TLK2: variants seen among roughly 807,000 people sequenced by gnomAD.
TLK2 encodes serine/threonine-protein kinase tousled-like 2.
In TLK2, 6 loss-of-function variants were observed where a neutral mutation model predicts 117.3. That is an observed-to-expected ratio of 0.05 (90% confidence interval 0.03 to 0.10). The LOEUF is 0.10. Ranked by LOEUF, TLK2 falls within the 10% of genes least tolerant of loss-of-function variation. The probability of loss-of-function intolerance (pLI) is 1.00; values close to 1 mark genes in which losing one functional copy is unlikely to be tolerated. For synonymous variants in TLK2, 257 were observed against 316.7 expected (o/e 0.81, Z 2.00); for missense variants, 299 against 901.2 (o/e 0.33, Z 8.56).
In TLK2 at chr17:62,532,367, C is replaced by T. The variant is rs1361412168; in HGVS notation, c.364-3803C>T. 2.0e-5 allele frequency among the ~76,000 whole-genome samples: 3 copies of T among 152,156 alleles called. No individual in the cohort carries two copies. The East Asian group carries it at 5.8e-4, about 29-fold the overall frequency. On this transcript the variant is annotated intron_variant, in intron 6 of 21. Transcript: ENST00000346027. ...GGCAGAAGGTTTAATTTTACTGTTG[C>T]AGCTCGTTCTCCCATGCAGTGAGAA...
chr17:62,520,695 AATC>A (rs1175041764), intron 2 of TLK2, 75 bp from the exon 3 acceptor site: 3 of 1,360,144 alleles, frequency 2.2e-6, no homozygotes, highest in East Asian at 2.7e-5. Context: ...AAAAAAAAAA[AATC>A]ATCAGGCTTC....
chr17:62,482,980 T>C (rs2071869144), intron 2 of TLK2, among the ~76,000 whole-genome samples: 1 of 152,224 alleles, frequency 6.6e-6, no homozygotes. Context: ...AGTTTACTTT[T>C]GTGGCACTTT....
intron 10 of TLK2, among the ~76,000 whole-genome samples, chr17:62,561,097 C>A (rs370837012): frequency 2.0e-5 from 3 of 151,918 alleles, no homozygotes; most frequent in African/African-American, 7.3e-5. Context: ...TTTGTCCTTG[C>A]GATAGTTTGC....
intron 2 of TLK2, among the ~76,000 whole-genome samples, chr17:62,481,735 C>G (rs1327047317): frequency 6.6e-6 from 1 of 152,094 alleles, no homozygotes; most frequent in African/African-American, 2.4e-5. Context: ...CCCCCATTAA[C>G]GGGCACGTAT....
intron 12 of TLK2, among the ~76,000 whole-genome samples, chr17:62,576,056 C>A (rs1366656335): frequency 1.3e-5 from 2 of 152,184 alleles, no homozygotes; most frequent in African/African-American, 2.4e-5. Flanking sequence ...ACATGACTAC[C>A]CATCAAGTCA....
intron 2 of TLK2, among the ~76,000 whole-genome samples, chr17:62,486,728 A>G (rs1187650030): frequency 2.0e-5 from 3 of 152,228 alleles, no homozygotes; most frequent in Non-Finnish European, 1.5e-5. Flanking sequence ...TACTTATAAT[A>G]CTGTGTGCCA....
chr17:62,585,907 T>G (rs75231881), intron 15 of TLK2: 15,279 of 385,498 alleles, frequency 0.04, 2,310 homozygotes, highest in East Asian at 0.4. Context: ...GTTTGTGGTG[T>G]TGGCCTGGTT....
At chr17:62,514,576 C>T (rs1290805971) in intron 2 of TLK2, among the ~76,000 whole-genome samples, 1 of 148,730 alleles carries the variant, frequency 6.7e-6, no homozygotes, top group Admixed American at 6.7e-5. Flanking sequence ...CCATCTTAAC[C>T]TTCTTTTTTT....
chr17:62,472,535 G>A (rs1335997148), intron 1 of TLK2, among the ~76,000 whole-genome samples: 1 of 151,852 alleles, frequency 6.6e-6, no homozygotes, highest in Non-Finnish European at 1.5e-5. Context: ...TCGGGAGATC[G>A]AGAGCATCCT....
At chr17:62,559,498 C>T (rs570554341) in intron 9 of TLK2, among the ~76,000 whole-genome samples, 1 of 151,904 alleles carries the variant, frequency 6.6e-6, no homozygotes, top group Non-Finnish European at 1.5e-5. Flanking sequence ...CCGCCTCAGC[C>T]TCCCGAGTAG....
chr17:62,549,408 A>T, intron 7 of TLK2, among the ~76,000 whole-genome samples: 1 of 18,388 alleles, frequency 5.4e-5, no homozygotes, highest in Non-Finnish European at 1.6e-4. Context: ...CAAAAAAAAA[A>T]AAAAAAAAAA....
intron 17 of TLK2, among the ~76,000 whole-genome samples, chr17:62,598,335 T>G (rs1195038415): frequency 6.6e-6 from 1 of 152,326 alleles, no homozygotes; most frequent in East Asian, 1.9e-4. Flanking sequence ...GTATACACAC[T>G]TTTAACTAAT....
At chr17:62,600,244 A>C (rs1319304298) in intron 17 of TLK2, 1 of 16,424 alleles carries the variant, frequency 6.1e-5, no homozygotes, top group African/African-American at 2.9e-4. Flanking sequence ...ACGGAGTCTC[A>C]AAAAAAAAAA....
At chr17:62,581,830 A>G (rs1277430627) in intron 15 of TLK2, among the ~76,000 whole-genome samples, 1 of 152,114 alleles carries the variant, frequency 6.6e-6, no homozygotes, top group Non-Finnish European at 1.5e-5. Context: ...TCAAAATTTG[A>G]TGTCATAATT....
chr17:62,514,435 T>A (rs567942697), intron 2 of TLK2, among the ~76,000 whole-genome samples: 133 of 148,890 alleles, frequency 8.9e-4, no homozygotes, highest in African/African-American at 3.1e-3. Flanking sequence ...TGAGCCACCA[T>A]GCCCAGTCAA....
chr17:62,585,803 G>C (rs1274471008), intron 15 of TLK2: 1 of 177,444 alleles, frequency 5.6e-6, no homozygotes, highest in African/African-American at 2.4e-5. Flanking sequence ...AAGGATAAGA[G>C]ACAACCTAAG....
At chr17:62,522,995 T>G in intron 4 of TLK2, 139 bp from the exon 5 acceptor site, 1 of 944,670 alleles carries the variant, frequency 1.1e-6, no homozygotes, top group Non-Finnish European at 1.5e-6. Flanking sequence ...GCTAAGGTAT[T>G]TTGGCTCATT....
intron 2 of TLK2, among the ~76,000 whole-genome samples, chr17:62,496,630 A>C (rs1349547239): frequency 5.3e-5 from 8 of 152,098 alleles, no homozygotes; most frequent in Non-Finnish European, 1.2e-4. Context: ...ATTTTTCTTT[A>C]GAAAGAGTCC....
At chr17:62,489,229 C>G (rs1238505793) in intron 2 of TLK2, among the ~76,000 whole-genome samples, 13 of 144,240 alleles carry the variant, frequency 9.0e-5, no homozygotes, top group Non-Finnish European at 1.8e-4. Flanking sequence ...GAGACATGGT[C>G]TCACTGTGTC....
Sources: gnomAD v4.1 joint callset for allele counts (sites outside exome capture counted in the v4.1 genomes callset) on GRCh38, gnomAD v4.1.1 for gene constraint, MANE v1.5 for transcripts, NCBI Gene and HGNC (gene_info 2026-07-23, HGNC 2026-07-21) for gene names.